GRIA1: variants seen among roughly 807,000 people sequenced by gnomAD.
GRIA1 encodes the protein glutamate receptor 1.
In GRIA1, 31 loss-of-function variants were observed where a neutral mutation model predicts 99.2. The ratio of observed to expected loss-of-function variants is 0.31; its 90% CI spans 0.23 to 0.42. GRIA1 has a LOEUF of 0.42. GRIA1 is among the 10% of genes least tolerant of loss of function. The pLI is 1.00. For synonymous variants in GRIA1, 438 were observed against 432.4 expected, an observed-to-expected ratio of 1.01 and a Z score of -0.16; for missense variants, 782 against 1,157.5, an observed-to-expected ratio of 0.68 and a Z score of 4.71.
At chr5:153,643,623 A>G (rs1314661206) in intron 2 of GRIA1, among the ~76,000 whole-genome samples, 1 of 152,146 alleles carries the variant, frequency 6.6e-6, no homozygotes, top group Non-Finnish European at 1.5e-5. Context: ...TGAAGTGTAG[A>G]AATGGTCTGA....
chr5:153,594,359 A>G (rs1764242371), intron 2 of GRIA1, among the ~76,000 whole-genome samples: 1 of 152,184 alleles, frequency 6.6e-6, no homozygotes, highest in African/African-American at 2.4e-5. Flanking sequence ...TTAGGCTTCC[A>G]AGATTCTATT....
intron 5 of GRIA1, among the ~76,000 whole-genome samples, chr5:153,667,480 T>C (rs1159316429): frequency 6.6e-6 from 1 of 152,224 alleles, no homozygotes; most frequent in Non-Finnish European, 1.5e-5. Context: ...TTTGAAGCAG[T>C]TCTAACACCT....
chr5:153,780,504 C>T (rs1764564759), intron 13 of GRIA1, among the ~76,000 whole-genome samples: 1 of 152,206 alleles, frequency 6.6e-6, no homozygotes, highest in African/African-American at 2.4e-5. Context: ...CTGGAGGTAA[C>T]TCTGGCATTT....
At chr5:153,650,713 G>A (rs1403955253) in intron 4 of GRIA1, among the ~76,000 whole-genome samples, 199 bp downstream of exon 4, 1 of 151,356 alleles carries the variant, frequency 6.6e-6, no homozygotes, top group African/African-American at 2.4e-5. Flanking sequence ...CTTGACATAG[G>A]GCTTCAAATG....
intron 11 of GRIA1, among the ~76,000 whole-genome samples, chr5:153,738,973 C>T (rs370687652): frequency 6.6e-5 from 10 of 151,846 alleles, no homozygotes; most frequent in South Asian, 4.2e-4. Context: ...CCACCCACCT[C>T]GGCCTCCCAA....
intron 11 of GRIA1, among the ~76,000 whole-genome samples, chr5:153,749,756 AGAAT>A (rs988504370): frequency 6.6e-6 from 1 of 151,238 alleles, no homozygotes; most frequent in Non-Finnish European, 1.5e-5. Context: ...AGTGAACCAA[AGAAT>A]GAATGAATGA....
At chr5:153,749,490 G>T (rs1762372591) in intron 11 of GRIA1, among the ~76,000 whole-genome samples, 1 of 152,172 alleles carries the variant, frequency 6.6e-6, no homozygotes, top group Non-Finnish European at 1.5e-5. Context: ...AGGAAGGCAA[G>T]GGGGAGCTGG....
At chr5:153,625,165 C>T (rs1767475899) in intron 2 of GRIA1, among the ~76,000 whole-genome samples, 1 of 152,126 alleles carries the variant, frequency 6.6e-6, no homozygotes, top group South Asian at 2.1e-4. Context: ...GTGTCCCATC[C>T]TGCTCTTTCT....
chr5:153,607,333 T>G (rs1765547994), intron 2 of GRIA1, among the ~76,000 whole-genome samples: 3 of 151,892 alleles, frequency 2.0e-5, no homozygotes, highest in Admixed American at 2.0e-4. Context: ...TACATTTATT[T>G]CATTAACTTC....
At chr5:153,650,834 G>A (rs1429387372) in intron 4 of GRIA1, among the ~76,000 whole-genome samples, 6 of 147,540 alleles carry the variant, frequency 4.1e-5, no homozygotes, top group South Asian at 2.1e-4. Flanking sequence ...TGAGGCAGGC[G>A]GATCACCTGA....
chr5:153,683,299 C>A (rs941312111), intron 7 of GRIA1, among the ~76,000 whole-genome samples: 47 of 152,168 alleles, frequency 3.1e-4, no homozygotes, highest in African/African-American at 1.1e-3. Context: ...TGGGATGTCT[C>A]TTTCGCATTC....
chr5:153,540,501 G>A (rs1158251892), intron 2 of GRIA1, among the ~76,000 whole-genome samples: 2 of 152,142 alleles, frequency 1.3e-5, no homozygotes, highest in Non-Finnish European at 2.9e-5. Flanking sequence ...CTCCTAGCCT[G>A]TCCTCTCTGC....
chr5:153,497,468 T>C (rs946652631), intron 2 of GRIA1, among the ~76,000 whole-genome samples: 1 of 152,174 alleles, frequency 6.6e-6, no homozygotes, highest in South Asian at 2.1e-4. Flanking sequence ...GCCTACTTCA[T>C]GCCAAACACT....
intron 2 of GRIA1, among the ~76,000 whole-genome samples, chr5:153,630,175 T>G (rs569503537): frequency 4.6e-5 from 7 of 152,284 alleles, no homozygotes; most frequent in Admixed American, 4.6e-4. Flanking sequence ...AAGTAAAATG[T>G]GTAGTCTATT....
At chr5:153,686,456 T>A (rs1757348082) in intron 8 of GRIA1, 127 bp downstream of exon 8, 2 of 619,624 alleles carry the variant, frequency 3.2e-6, no homozygotes, top group Non-Finnish European at 5.5e-6. Flanking sequence ...CAACACAGAT[T>A]CTAGACTTGG....
At chr5:153,543,527 T>C (rs1759331618) in intron 2 of GRIA1, among the ~76,000 whole-genome samples, 1 of 152,152 alleles carries the variant, frequency 6.6e-6, no homozygotes, top group Non-Finnish European at 1.5e-5. Flanking sequence ...ATACAGGCCA[T>C]ATGATGTCAT....
upstream of GRIA1, chr5:153,490,407 A>C: frequency 5.7e-6 from 1 of 175,406 alleles, no homozygotes; most frequent in Non-Finnish European, 1.2e-5. Context: ...CGTGTCACAC[A>C]CCCCCACCTC....
At chr5:153,663,897 G>A (rs1437208890) in intron 5 of GRIA1, among the ~76,000 whole-genome samples, 1 of 152,152 alleles carries the variant, frequency 6.6e-6, no homozygotes, top group African/African-American at 2.4e-5. Flanking sequence ...TTTCGATCTT[G>A]CAAACCATGC....
intron 8 of GRIA1, among the ~76,000 whole-genome samples, chr5:153,696,552 T>C (rs1224765934): frequency 2.0e-5 from 3 of 152,214 alleles, no homozygotes; most frequent in East Asian, 1.9e-4. Flanking sequence ...CAATTATTGT[T>C]GTTAATGGCT....
Sources: allele counts gnomAD v4.1 joint callset (sites outside exome capture counted in the v4.1 genomes callset), GRCh38; gene constraint gnomAD v4.1.1; transcripts MANE v1.5; gene names NCBI Gene and HGNC (gene_info 2026-07-23, HGNC 2026-07-21).